The following CACNA2D1 variants were observed in gnomAD, a reference collection of about 807,000 sequenced individuals.
CACNA2D1 encodes the protein voltage-dependent calcium channel subunit alpha-2/delta-1.
CACNA2D1 carries 53 observed loss-of-function variants against 171.5 expected under a neutral mutation model. That is an observed-to-expected ratio of 0.31 (90% confidence interval 0.25 to 0.39). The LOEUF (loss-of-function observed/expected upper bound fraction) is 0.39, where lower values mean the gene tolerates loss of function less well. CACNA2D1 is among the 10% of genes least tolerant of loss of function. CACNA2D1 has a pLI of 1.00. For synonymous variants in CACNA2D1, 442 were observed against 443.1 expected (o/e 1.00, Z 0.03); for missense variants, 903 against 1,299.8 (o/e 0.69, Z 4.69).
At chr7:82,383,511 G>T (rs992270116) in intron 1 of CACNA2D1, among the ~76,000 whole-genome samples, 3 of 152,168 alleles carry the variant, frequency 2.0e-5, no homozygotes, top group Non-Finnish European at 4.4e-5. Context: ...ATTTAAAATA[G>T]GTGATAGAAC....
At chr7:82,038,323 G>A (rs781371571) in intron 10 of CACNA2D1, 88 bp from the exon 11 acceptor site, 143 of 1,123,062 alleles carry the variant, frequency 1.3e-4, no homozygotes, top group South Asian at 2.3e-4. Context: ...ACTCCTAAAC[G>A]GTATTGCATT....
intron 4 of CACNA2D1, among the ~76,000 whole-genome samples, chr7:82,167,430 A>G (rs2129142810): frequency 6.6e-6 from 1 of 152,008 alleles, no homozygotes; most frequent in Middle Eastern, 3.4e-3. Context: ...AGCACCACCT[A>G]GTTTATTAGG....
chr7:82,159,188 T>C (rs896397912), intron 4 of CACNA2D1, among the ~76,000 whole-genome samples: 1 of 151,950 alleles, frequency 6.6e-6, no homozygotes, highest in Non-Finnish European at 1.5e-5. Flanking sequence ...AGCTTTCTAC[T>C]TTTTCCTAAT....
At chr7:82,028,248 A>T (rs1255443315) in intron 12 of CACNA2D1, 1 of 151,802 alleles carries the variant, frequency 6.6e-6, no homozygotes, top group Admixed American at 6.6e-5. Flanking sequence ...TATGCTCTGC[A>T]AATGAACCAA....
intron 24 of CACNA2D1, among the ~76,000 whole-genome samples, chr7:81,978,803 T>C (rs1037050994): frequency 2.6e-4 from 36 of 138,012 alleles, no homozygotes; most frequent in Non-Finnish European, 4.9e-4. Context: ...AAACAGCACA[T>C]ATATATATAT....
intron 2 of CACNA2D1, among the ~76,000 whole-genome samples, chr7:82,345,217 T>C (rs1185655530): frequency 1.3e-5 from 2 of 152,220 alleles, no homozygotes; most frequent in Non-Finnish European, 2.9e-5. Flanking sequence ...AGAACGCTTA[T>C]GTAAATACTA....
chr7:82,305,551 T>C (rs927176209), intron 3 of CACNA2D1, among the ~76,000 whole-genome samples: 1 of 152,048 alleles, frequency 6.6e-6, no homozygotes, highest in Non-Finnish European at 1.5e-5. Flanking sequence ...TGAGGTTTCA[T>C]CTACATAACA....
At chr7:82,396,345 A>G (rs1825758477) in intron 1 of CACNA2D1, among the ~76,000 whole-genome samples, 1 of 152,200 alleles carries the variant, frequency 6.6e-6, no homozygotes, top group African/African-American at 2.4e-5. Flanking sequence ...TAAAAAATAC[A>G]TAAATAAGAT....
chr7:82,272,587 G>C (rs866154838), intron 3 of CACNA2D1, among the ~76,000 whole-genome samples: 2 of 152,260 alleles, frequency 1.3e-5, no homozygotes, highest in Middle Eastern at 3.4e-3. Context: ...GTTGTGGAAA[G>C]AAGCCCAAGT....
At chr7:82,435,680 C>T (rs1171682187) in intron 1 of CACNA2D1, among the ~76,000 whole-genome samples, 2 of 152,098 alleles carry the variant, frequency 1.3e-5, no homozygotes, top group Non-Finnish European at 2.9e-5. Context: ...AGTCTCATTG[C>T]CTCTGCCTAA....
At chr7:81,977,995 A>G (rs1188431060) in intron 24 of CACNA2D1, among the ~76,000 whole-genome samples, 1 of 152,236 alleles carries the variant, frequency 6.6e-6, no homozygotes, top group East Asian at 1.9e-4. Flanking sequence ...AAAGCTCATC[A>G]CCACTGGTCA....
chr7:81,951,983 T>TTTTTGTTTTTTTTTTTTG (rs1562762927), intron 38 of CACNA2D1, among the ~76,000 whole-genome samples: 7 of 148,836 alleles, frequency 4.7e-5, no homozygotes, highest in South Asian at 2.1e-4. Context: ...TTTTTTTTTT[T>TTTTTGTTTTTTTTTTTTG]TTTTTTTTAA....
intron 6 of CACNA2D1, among the ~76,000 whole-genome samples, chr7:82,114,151 G>T (rs1047918641): frequency 6.6e-6 from 1 of 152,052 alleles, no homozygotes; most frequent in African/African-American, 2.4e-5. Context: ...TATGTAAATT[G>T]TAGCATACTA....
chr7:82,400,113 T>C lies in CACNA2D1; in HGVS notation c.95+43252A>G, dbSNP rs1214672568. 2.0e-5 allele frequency among the ~76,000 whole-genome samples: 3 copies of C among 150,870 alleles called. No homozygotes were observed. In the South Asian group the frequency reaches 6.4e-4, roughly 32 times the overall value. ...TGTTTTGGTTACTGTAGCCTTGTAG[T>C]ATAGTTTGAAGTCAGGTAGTGTGAT... is the stretch of plus-strand genomic sequence containing the variant. On this transcript the variant is annotated intron_variant, in intron 1 of 38. Transcript: ENST00000356860.
At chr7:82,147,553 T>C (rs1318227469) in intron 4 of CACNA2D1, among the ~76,000 whole-genome samples, 1 of 152,110 alleles carries the variant, frequency 6.6e-6, no homozygotes, top group Non-Finnish European at 1.5e-5. Flanking sequence ...TTCTAAAACA[T>C]TTCATTTCTT....
intron 29 of CACNA2D1, 113 bp downstream of exon 29, chr7:81,968,774 A>C (rs1489261647): frequency 4.2e-6 from 3 of 715,020 alleles, no homozygotes; most frequent in Non-Finnish European, 7.6e-6. Flanking sequence ...GCATGCCTTT[A>C]TTTTGTTTGA....
chr7:82,085,265 T>C (rs1284757418), intron 6 of CACNA2D1, among the ~76,000 whole-genome samples: 1 of 152,158 alleles, frequency 6.6e-6, no homozygotes, highest in Non-Finnish European at 1.5e-5. Context: ...CACTAGATAC[T>C]AGTACCTCCC....
At chr7:82,338,499 C>T (rs1030316845) in intron 2 of CACNA2D1, among the ~76,000 whole-genome samples, 2 of 152,134 alleles carry the variant, frequency 1.3e-5, no homozygotes, top group Non-Finnish European at 2.9e-5. Context: ...CCAGCTAGAT[C>T]ATTATTAGCA....
chr7:82,111,444 A>ATATATTTTTTT (rs1207440298), intron 6 of CACNA2D1, among the ~76,000 whole-genome samples: 1 of 69,968 alleles, frequency 1.4e-5, no homozygotes, highest in Admixed American at 1.6e-4. Context: ...ATATATATAT[A>ATATATTTTTTT]TTTTTTTTTT....
Sources: gnomAD v4.1 joint callset for allele counts (sites outside exome capture counted in the v4.1 genomes callset) on GRCh38, gnomAD v4.1.1 for gene constraint, MANE v1.5 for transcripts, NCBI Gene and HGNC (gene_info 2026-07-23, HGNC 2026-07-21) for gene names.